DPH6: variants seen among roughly 807,000 people sequenced by gnomAD.
DPH6 encodes diphthamine biosynthesis 6, also known as diphthine--ammonia ligase.
Under a neutral mutation model 38.2 loss-of-function variants are expected in DPH6, and 33 were observed. The observed-to-expected ratio is 0.86, with a 90% CI of 0.65 to 1.15. The LOEUF is 1.15. Ranked by LOEUF, DPH6 falls within the 50% of genes most tolerant of loss-of-function variation. The pLI is 0.00. For missense variants in DPH6, 325 were observed against 320.0 expected (o/e 1.02, Z -0.12); for synonymous variants, 108 against 103.0 (o/e 1.05, Z -0.30).
intron 3 of DPH6, among the ~76,000 whole-genome samples, chr15:35,247,693 T>C (rs1266107274): frequency 1.3e-5 from 2 of 152,344 alleles, no homozygotes; most frequent in East Asian, 3.9e-4. Flanking sequence ...TAAAGTAACA[T>C]GCATACAATT....
At chr15:35,390,693 C>T (rs1230692028) in intron 6 of DPH6, among the ~76,000 whole-genome samples, 3 of 152,350 alleles carry the variant, frequency 2.0e-5, no homozygotes, top group Middle Eastern at 3.4e-3. Context: ...TCAGCTCCAT[C>T]AGGTCCTTTA....
At chr15:35,524,452 G>A (rs138167098) in intron 3 of DPH6, among the ~76,000 whole-genome samples, 266 of 152,030 alleles carry the variant, frequency 1.7e-3, no homozygotes, top group African/African-American at 5.9e-3. Flanking sequence ...CTTCCCCTCC[G>A]CCTCATTGTC....
chr15:35,266,957 T>C (rs2051787346), intron 3 of DPH6, among the ~76,000 whole-genome samples: 1 of 152,030 alleles, frequency 6.6e-6, no homozygotes, highest in Non-Finnish European at 1.5e-5. Flanking sequence ...AGTAAAATAA[T>C]AATAAAATTC....
At chr15:35,348,961 T>C (rs1444625316) in intron 3 of DPH6, among the ~76,000 whole-genome samples, 1 of 152,188 alleles carries the variant, frequency 6.6e-6, no homozygotes, top group African/African-American at 2.4e-5. Context: ...ATTTTGCTGA[T>C]AATGTACAGA....
chr15:35,287,905 T>C (rs1047760742), intron 3 of DPH6, among the ~76,000 whole-genome samples: 2 of 152,182 alleles, frequency 1.3e-5, no homozygotes, highest in African/African-American at 2.4e-5. Flanking sequence ...CTGTAAACAC[T>C]AGCTATAATG....
chr15:35,390,461 C>G (rs962005905), intron 6 of DPH6, among the ~76,000 whole-genome samples: 1 of 152,206 alleles, frequency 6.6e-6, no homozygotes, highest in African/African-American at 2.4e-5. Context: ...CCATTCTCCC[C>G]ATCACTTTCA....
At chr15:35,265,117 C>T (rs975475965) in intron 3 of DPH6, among the ~76,000 whole-genome samples, 1 of 151,810 alleles carries the variant, frequency 6.6e-6, no homozygotes. Context: ...CACAAGCTAG[C>T]GGTCAGAAAA....
intron 3 of DPH6, among the ~76,000 whole-genome samples, chr15:35,233,133 C>A (rs2051529542): frequency 6.6e-6 from 1 of 152,004 alleles, no homozygotes; most frequent in African/African-American, 2.4e-5. Context: ...TGTGGTGAAA[C>A]CCCGTCTCTA....
chr15:35,163,484 T>C, the DPH6 span, among the ~76,000 whole-genome samples: 5 of 151,892 alleles, frequency 3.3e-5, no homozygotes, highest in Non-Finnish European at 7.4e-5. Flanking sequence ...CGAACAGGAC[T>C]TTTCATTCCG....
intron 3 of DPH6, among the ~76,000 whole-genome samples, chr15:35,483,785 T>C (rs745957999): frequency 2.0e-5 from 3 of 152,220 alleles, no homozygotes; most frequent in Non-Finnish European, 4.4e-5. Context: ...TGGAAACAAT[T>C]CAATTTTCGA....
intron 3 of DPH6, chr15:35,298,495 A>C: frequency 1.3e-6 from 1 of 774,894 alleles, no homozygotes; most frequent in East Asian, 2.4e-5. Context: ...CCAAGTCTTC[A>C]TCCACCTTTC....
At chr15:35,206,083 CTA>C in the DPH6 span, among the ~76,000 whole-genome samples, 2,198 of 152,152 alleles carry the variant, frequency 0.014, 50 homozygotes, top group African/African-American at 0.051. Context: ...ATGACTAAAA[CTA>C]TCATTTGTAA....
intron 6 of DPH6, among the ~76,000 whole-genome samples, chr15:35,397,868 TACACACACACACACAC>T (rs57530358): frequency 1.7e-4 from 15 of 87,258 alleles, no homozygotes; most frequent in African/African-American, 3.2e-4. Flanking sequence ...TTTATATATA[TACACACACACACACAC>T]ACACACACAC....
chr15:35,317,590 C>CAAAAAAAAAAAAGAAAAAAAAAAAA (rs61113463), intron 3 of DPH6, among the ~76,000 whole-genome samples: 8 of 73,754 alleles, frequency 1.1e-4, no homozygotes, highest in East Asian at 8.8e-4. Context: ...TTCTGCTGGA[C>CAAAAAAAAAAAAGAAAAAAAAAAAA]AAAAAAAAAA....
At chr15:35,392,829 G>T (rs1180264334) in intron 6 of DPH6, among the ~76,000 whole-genome samples, 1 of 152,184 alleles carries the variant, frequency 6.6e-6, no homozygotes, top group Non-Finnish European at 1.5e-5. Flanking sequence ...CTGAAAGATG[G>T]AAGGGGGAAG....
intron 3 of DPH6, among the ~76,000 whole-genome samples, chr15:35,246,971 G>C (rs1285606648): frequency 6.6e-6 from 1 of 152,088 alleles, no homozygotes; most frequent in African/African-American, 2.4e-5. Context: ...AAAGGAGCGA[G>C]AATATGATCA....
At chr15:35,210,049 G>A in the DPH6 span, among the ~76,000 whole-genome samples, 1,098 of 152,272 alleles carry the variant, frequency 7.2e-3, 6 homozygotes, top group Non-Finnish European at 0.01. Flanking sequence ...GCTTCCATGT[G>A]TAGCTTCCAG....
chr15:35,317,456 GGAAAGAAAGAAA>G (rs145169289), intron 3 of DPH6, among the ~76,000 whole-genome samples: 1 of 149,664 alleles, frequency 6.7e-6, no homozygotes, highest in Admixed American at 6.7e-5. Flanking sequence ...AGAAAAAGAA[GGAAAGAAAGAAA>G]GAAAGAAAGA....
chr15:35,311,458 C>T (rs958334310), intron 3 of DPH6, among the ~76,000 whole-genome samples: 4 of 152,092 alleles, frequency 2.6e-5, no homozygotes, highest in Non-Finnish European at 4.4e-5. Context: ...AAATTTCTGT[C>T]TTCAAATATC....
Sources: allele counts gnomAD v4.1 joint callset (sites outside exome capture counted in the v4.1 genomes callset), GRCh38; gene constraint gnomAD v4.1.1; transcripts MANE v1.5; gene names NCBI Gene and HGNC (gene_info 2026-07-23, HGNC 2026-07-21).